Variants in MPPED2 observed in about 807,000 individuals in gnomAD.
MPPED2 encodes the protein metallophosphoesterase MPPED2.
MPPED2 carries 5 observed loss-of-function variants against 33.0 expected under a neutral mutation model. That is an observed-to-expected ratio of 0.15 (90% confidence interval 0.08 to 0.32). The LOEUF is 0.32. Among genes scored for constraint, MPPED2 ranks in the 10% least tolerant of loss-of-function variants. The pLI is 1.00. For missense variants in MPPED2, 275 were observed against 372.1 expected (o/e 0.74, Z 2.15); for synonymous variants, 136 against 141.9 (o/e 0.96, Z 0.29).
At chr11:30,398,009 C>A (rs1213861188) in intron 6 of MPPED2, among the ~76,000 whole-genome samples, 1 of 152,078 alleles carries the variant, frequency 6.6e-6, no homozygotes, top group Non-Finnish European at 1.5e-5. Flanking sequence ...TTGACCAATT[C>A]ATTTCTCCAA....
chr11:30,468,256 ACTCT>A lies in MPPED2; in HGVS notation c.536+27036_536+27039del, dbSNP rs3837402. On this transcript the variant is annotated intron_variant, in intron 4 of 6. Coordinates refer to ENST00000358117, the MANE Select transcript of MPPED2 (RefSeq NM_001584.3). The stretch of plus-strand genomic sequence containing the variant: ...CACACACACACACACACACACACAC[ACTCT>A]CTCTCTCTCTCTCTCTCTCTTTCAA... 7.6e-3 allele frequency among the ~76,000 whole-genome samples: 1,084 copies of A among 142,906 alleles called. 10 individuals are homozygous for A. Among genetic ancestry groups the A allele is most frequent in the African/African-American group, 0.016 (599 of 36,904 alleles). 93.8% of individuals were successfully genotyped at this position (142,906 alleles called of 152,430 possible). A position where few individuals can be genotyped will look rare whatever the true frequency, so the allele number is the denominator to read the frequency against.
chr11:30,469,145 G>A (rs959747567), intron 4 of MPPED2: 21 of 152,172 alleles, frequency 1.4e-4, no homozygotes, highest in African/African-American at 5.1e-4. Context: ...ATTGATGTCT[G>A]AATAAATATA....
chr11:30,430,311 G>A (rs1248433376), intron 4 of MPPED2, among the ~76,000 whole-genome samples: 2 of 151,880 alleles, frequency 1.3e-5, no homozygotes, highest in South Asian at 2.1e-4. Flanking sequence ...CTGTGAGTGC[G>A]AAACACACAT....
At chr11:30,472,124 G>A (rs7102899) in intron 4 of MPPED2, among the ~76,000 whole-genome samples, 56,945 of 152,082 alleles carry the variant, frequency 0.37, 11,756 homozygotes, top group East Asian at 0.52. Flanking sequence ...AGCACTTTGC[G>A]GGGGCAAGGC....
intron 4 of MPPED2, among the ~76,000 whole-genome samples, chr11:30,486,493 A>C (rs1870358): frequency 0.32 from 49,425 of 152,084 alleles, 8,180 homozygotes; most frequent in Middle Eastern, 0.44. Context: ...GCTTCCGACC[A>C]ATCTCAAACT....
At chr11:30,392,175 C>T (rs1488144872) in intron 6 of MPPED2, among the ~76,000 whole-genome samples, 1 of 152,172 alleles carries the variant, frequency 6.6e-6, no homozygotes. Context: ...TGAACACTGG[C>T]ATGTAGAAGA....
chr11:30,435,616 G>A (rs1408686528), intron 4 of MPPED2, among the ~76,000 whole-genome samples: 2 of 152,200 alleles, frequency 1.3e-5, no homozygotes, highest in Admixed American at 1.3e-4. Context: ...GAGTCCAAGA[G>A]CAGTGACAGA....
intron 4 of MPPED2, among the ~76,000 whole-genome samples, chr11:30,489,100 T>C (rs968801478): frequency 4.8e-5 from 7 of 147,364 alleles, no homozygotes; most frequent in Non-Finnish European, 8.9e-5. Context: ...ACTGAGAAAA[T>C]AAAATAAATG....
chr11:30,423,716 T>C (rs2133804434), intron 4 of MPPED2, among the ~76,000 whole-genome samples: 1 of 152,354 alleles, frequency 6.6e-6, no homozygotes, highest in South Asian at 2.1e-4. Context: ...GTGAATGAAC[T>C]TTTGTAAAAT....
chr11:30,387,497 A>G (rs654996), exon 7 of MPPED2: 101,204 of 152,004 alleles, frequency 0.67, 34,324 homozygotes, highest in Non-Finnish European at 0.74. Flanking sequence ...AAACGAGAGT[A>G]GCCTCAGTGC....
intron 4 of MPPED2, among the ~76,000 whole-genome samples, chr11:30,443,728 C>G (rs1008907626): frequency 6.6e-6 from 1 of 152,164 alleles, no homozygotes; most frequent in Non-Finnish European, 1.5e-5. Context: ...CATCTTCTAT[C>G]CTAAGAGGAT....
At position 30,410,419 on chromosome 11, in the gene MPPED2, G is replaced by A. The variant is rs557517396; in HGVS notation, c.*1049C>T. The A allele has an allele frequency of 4.1e-6, 4 of 985,210 alleles. No individual in the cohort carries two copies. The African/African-American group carries it at 5.2e-5, about 13-fold the overall frequency. The allele number at this position is 985,210 out of a possible 1,614,324, so 61.0% of individuals were successfully genotyped here. ...ATTTTGTGCTAGCGAAGATTGCATC[G>A]ACACACAGTGCAAAATGGGAGAGGG... is the stretch of plus-strand genomic sequence containing the variant. On this transcript the variant is annotated 3_prime_UTR_variant, in exon 7 of 7. Coordinates refer to ENST00000358117, the MANE Select transcript of MPPED2 (RefSeq NM_001584.3).
At chr11:30,572,851 A>G (rs889399824) in intron 2 of MPPED2, among the ~76,000 whole-genome samples, 2 of 152,062 alleles carry the variant, frequency 1.3e-5, no homozygotes, top group African/African-American at 2.4e-5. Flanking sequence ...ATGATGTGGG[A>G]TTTGTGTTCT....
chr11:30,402,912 A>G (rs1286750945), intron 6 of MPPED2, among the ~76,000 whole-genome samples: 1 of 152,168 alleles, frequency 6.6e-6, no homozygotes, highest in African/African-American at 2.4e-5. Context: ...GCAGCTTACG[A>G]TTAGCTCTGG....
At chr11:30,559,539 A>G (rs2134702684) in intron 2 of MPPED2, among the ~76,000 whole-genome samples, 1 of 152,314 alleles carries the variant, frequency 6.6e-6, no homozygotes, top group Non-Finnish European at 1.5e-5. Flanking sequence ...TTAAAAAGAA[A>G]CTATACTCAA....
intron 4 of MPPED2, among the ~76,000 whole-genome samples, chr11:30,435,548 A>T (rs1473659904): frequency 6.6e-6 from 1 of 152,228 alleles, no homozygotes; most frequent in African/African-American, 2.4e-5. Context: ...TACTGCAGTG[A>T]GAAGGAGAGA....
At chr11:30,431,086 G>C (rs1949057049) in intron 4 of MPPED2, among the ~76,000 whole-genome samples, 1 of 152,218 alleles carries the variant, frequency 6.6e-6, no homozygotes, top group Non-Finnish European at 1.5e-5. Context: ...AGAAATGGCT[G>C]CGAAAAATGT....
chr11:30,583,440 A>T (rs536938684), intron 1 of MPPED2, among the ~76,000 whole-genome samples: 19 of 152,216 alleles, frequency 1.2e-4, no homozygotes, highest in Non-Finnish European at 2.5e-4. Context: ...AAACAAAGGA[A>T]CCCAGGACGA....
intron 4 of MPPED2, among the ~76,000 whole-genome samples, chr11:30,486,202 C>T (rs1259873237): frequency 6.6e-6 from 1 of 152,176 alleles, no homozygotes; most frequent in South Asian, 2.1e-4. Context: ...AAGACAGAAG[C>T]AGCTAAGGCT....
Sources: gnomAD v4.1 joint callset for allele counts (sites outside exome capture counted in the v4.1 genomes callset) on GRCh38, gnomAD v4.1.1 for gene constraint, MANE v1.5 for transcripts, NCBI Gene and HGNC (gene_info 2026-07-23, HGNC 2026-07-21) for gene names.